RIMS1: variants seen among roughly 807,000 people sequenced by gnomAD.
RIMS1 encodes the protein regulating synaptic membrane exocytosis protein 1.
Under a neutral mutation model 214.1 loss-of-function variants are expected in RIMS1, and 83 were observed. The observed-to-expected ratio is 0.39, with a 90% CI of 0.32 to 0.47. The LOEUF (loss-of-function observed/expected upper bound fraction) is 0.47, where lower values mean the gene tolerates loss of function less well. Ranked by LOEUF, RIMS1 falls within the 20% of genes least tolerant of loss-of-function variation. RIMS1 has a pLI of 0.99. For synonymous variants in RIMS1, 793 were observed against 786.8 expected (o/e 1.01, Z -0.13); for missense variants, 2,050 against 2,161.8 (o/e 0.95, Z 1.03).
At chr6:72,369,270 TAAGATTAACAGTC>T (rs2098140126) in intron 29 of RIMS1, among the ~76,000 whole-genome samples, 1 of 151,980 alleles carries the variant, frequency 6.6e-6, no homozygotes, top group Non-Finnish European at 1.5e-5. Context: ...ATAAGGCAGT[TAAGATTAACAGTC>T]ATGTTTTGAT....
chr6:71,961,256 T>G (rs1011460390), intron 1 of RIMS1, among the ~76,000 whole-genome samples: 5 of 152,194 alleles, frequency 3.3e-5, no homozygotes, highest in African/African-American at 1.2e-4. Context: ...GGTGACATTT[T>G]GAGAAATAAT....
rs1428665143 is a variant in RIMS1 at position 72,182,678 on chromosome 6, G to C, written c.1207G>C (p.Ala403Pro). The change falls in exon 6 of 34, where the codon GCG becomes CCG. Residue 403 changes from alanine to proline, a missense_variant. This residue lies in a region of RIMS1 where 882 missense variants were observed against 828.9 expected (regional missense o/e 1.06). Coordinates refer to ENST00000521978, the MANE Select transcript of RIMS1 (RefSeq NM_014989.7). ...GCTCCCGCGCACCGAGGCGGGCGCG[G>C]CGCTGCCGGAGGGCAAGGCCGGCAA... ...VALPRTEAGA[A>P]LPEGKAGKRA... 2 of 1,449,640 alleles carry C rather than the reference G, an allele frequency of 1.4e-6. No homozygotes were observed. The highest frequency in any genetic ancestry group is 2.8e-5 in the East Asian group (1 of 35,348). The allele number at this position is 1,449,640 out of a possible 1,614,324, so 89.8% of individuals were successfully genotyped here. A position where few individuals can be genotyped will look rare whatever the true frequency, so the allele number is the denominator to read the frequency against.
chr6:72,302,789 G>A (rs988065896), intron 26 of RIMS1, among the ~76,000 whole-genome samples: 76 of 151,456 alleles, frequency 5.0e-4, no homozygotes, highest in Non-Finnish European at 9.3e-4. Context: ...ATACATATAT[G>A]AGCTGACCTT....
intron 2 of RIMS1, among the ~76,000 whole-genome samples, chr6:72,011,171 G>T (rs183168414): frequency 4.3e-4 from 66 of 152,252 alleles, no homozygotes; most frequent in Admixed American, 4.0e-3. Context: ...CAGGAATAAA[G>T]CCACACATCT....
chr6:72,200,800 T>G (rs1237082193), intron 6 of RIMS1, among the ~76,000 whole-genome samples: 1 of 151,802 alleles, frequency 6.6e-6, no homozygotes, highest in Non-Finnish European at 1.5e-5. Flanking sequence ...GAGTGGACAT[T>G]AGCCGTTTTA....
chr6:72,210,074 T>C (rs187184052), intron 6 of RIMS1, among the ~76,000 whole-genome samples: 1 of 152,212 alleles, frequency 6.6e-6, no homozygotes. Flanking sequence ...GATATCCCAG[T>C]GACAGAACAA....
intron 1 of RIMS1, among the ~76,000 whole-genome samples, chr6:71,923,931 T>G (rs2150795993): frequency 6.6e-6 from 1 of 152,280 alleles, no homozygotes; most frequent in African/African-American, 2.4e-5. Context: ...CTTTTTCTGC[T>G]TAGAAAAGAG....
chr6:71,978,836 G>C (rs1287242101), intron 2 of RIMS1, among the ~76,000 whole-genome samples: 1 of 151,970 alleles, frequency 6.6e-6, no homozygotes, highest in Non-Finnish European at 1.5e-5. Flanking sequence ...TAGAAAAAAT[G>C]TCCAACTAGG....
chr6:72,297,015 C>T (rs1046748076), intron 26 of RIMS1, among the ~76,000 whole-genome samples: 3 of 151,404 alleles, frequency 2.0e-5, no homozygotes, highest in Non-Finnish European at 4.4e-5. Context: ...TTATGTATCT[C>T]GGTATTACAA....
chr6:72,056,669 T>C (rs1348214674), intron 2 of RIMS1, among the ~76,000 whole-genome samples: 1 of 152,226 alleles, frequency 6.6e-6, no homozygotes, highest in Non-Finnish European at 1.5e-5. Flanking sequence ...ATGACAAATA[T>C]GACCATTATC....
At chr6:72,240,720 A>G (rs1247128498) in intron 9 of RIMS1, among the ~76,000 whole-genome samples, 1 of 148,742 alleles carries the variant, frequency 6.7e-6, no homozygotes, top group Non-Finnish European at 1.5e-5. Context: ...AGTCTATTAG[A>G]ATTGGTGGCC....
intron 2 of RIMS1, among the ~76,000 whole-genome samples, chr6:72,072,373 G>A (rs1830764414): frequency 6.6e-6 from 1 of 152,134 alleles, no homozygotes; most frequent in Non-Finnish European, 1.5e-5. Flanking sequence ...AACATCAGGA[G>A]GAATGGTACA....
At chr6:72,135,886 TG>T (rs1233736960) in intron 4 of RIMS1, among the ~76,000 whole-genome samples, 5 of 152,128 alleles carry the variant, frequency 3.3e-5, no homozygotes, top group Non-Finnish European at 1.5e-5. Flanking sequence ...GTTTAGAAGA[TG>T]GGGACCTTTA....
chr6:72,233,520 G>A (rs1032819906), intron 6 of RIMS1, among the ~76,000 whole-genome samples: 3 of 140,924 alleles, frequency 2.1e-5, no homozygotes, highest in Admixed American at 7.2e-5. Flanking sequence ...TTTTTTTTCT[G>A]TACATTTATA....
chr6:72,212,199 A>G (rs569072008), intron 6 of RIMS1, among the ~76,000 whole-genome samples: 9 of 152,140 alleles, frequency 5.9e-5, no homozygotes, highest in African/African-American at 2.2e-4. Flanking sequence ...GTTAAGGTAG[A>G]TAAAAATATA....
chr6:72,092,960 A>G lies in RIMS1; in HGVS notation c.246-3989A>G, dbSNP rs541168653. Among the ~76,000 whole-genome samples, 14 of 152,288 alleles carry G rather than the reference A, an allele frequency of 9.2e-5. No homozygotes were observed. The East Asian group carries it at 1.7e-3, about 19-fold the overall frequency. ...TCACAGCCAGGAGACCTTCAATTCT[A>G]TGTAGCCCTGATTTGCTATTCAATG... is the stretch of plus-strand genomic sequence containing the variant. On this transcript the variant is annotated intron_variant, in intron 2 of 33. Coordinates refer to ENST00000521978, the MANE Select transcript of RIMS1 (RefSeq NM_014989.7).
At chr6:72,099,481 A>G (rs1398107223) in intron 3 of RIMS1, among the ~76,000 whole-genome samples, 1 of 152,200 alleles carries the variant, frequency 6.6e-6, no homozygotes, top group African/African-American at 2.4e-5. Flanking sequence ...ATTTATTGCC[A>G]AAATAGTTAA....
At chr6:72,176,490 T>C (rs1041416458) in intron 4 of RIMS1, among the ~76,000 whole-genome samples, 2 of 152,180 alleles carry the variant, frequency 1.3e-5, no homozygotes, top group Non-Finnish European at 2.9e-5. Flanking sequence ...GAGCAATTTA[T>C]TTTTTATTTG....
chr6:72,033,879 G>C lies in RIMS1; in HGVS notation c.246-63070G>C, dbSNP rs190737459. Among the ~76,000 whole-genome samples, 390 of 152,232 alleles carry C rather than the reference G, an allele frequency of 2.6e-3. 1 individual carries two copies. Among genetic ancestry groups the C allele is most frequent in the Non-Finnish European group, 3.0e-3 (205 of 68,012 alleles). On this transcript the variant is annotated intron_variant, in intron 2 of 33. Coordinates refer to ENST00000521978, the MANE Select transcript of RIMS1 (RefSeq NM_014989.7). ...AGGAAATTAAAGAACAACTCTGAGA[G>C]GGTTGGTTTATAGAAATTTTTTTAA... is the stretch of plus-strand genomic sequence containing the variant.
Sources: allele counts gnomAD v4.1 joint callset (sites outside exome capture counted in the v4.1 genomes callset), GRCh38; gene constraint gnomAD v4.1.1; regional missense constraint gnomAD v4.1.1; transcripts MANE v1.5; gene names NCBI Gene and HGNC (gene_info 2026-07-23, HGNC 2026-07-21).